TIMM44: variants seen among roughly 807,000 people sequenced by gnomAD.
TIMM44 encodes translocase of inner mitochondrial membrane 44.
TIMM44 carries 37 observed loss-of-function variants against 63.8 expected under a neutral mutation model. That is an observed-to-expected ratio of 0.58 (90% CI 0.45 to 0.76). The LOEUF (loss-of-function observed/expected upper bound fraction) is 0.76. TIMM44 is among the 30% of genes least tolerant of loss of function. The pLI, the probability that TIMM44 is intolerant of heterozygous loss-of-function variation, is 0.00. For synonymous variants in TIMM44, 239 were observed against 245.1 expected, an observed-to-expected ratio of 0.98 and a Z score of 0.23; for missense variants, 573 against 603.8, an observed-to-expected ratio of 0.95 and a Z score of 0.54.
chr19:7,941,152 G>A lies in TIMM44; in HGVS notation c.91C>T (p.Pro31Ser). 1.2e-6 allele frequency: 2 copies of A among 1,614,186 alleles called. No individual in the cohort carries two copies. Among genetic ancestry groups the A allele is most frequent in the Non-Finnish European group, 1.7e-6 (2 of 1,180,020 alleles). Residue 31 changes from proline (P) to serine (S), a missense_variant, in exon 2 of 13, where the codon CCC (proline) becomes TCC (serine). Pro to Ser is a moderately conservative substitution (Grantham distance 74). Coordinates refer to ENST00000270538, the MANE Select transcript of TIMM44 (RefSeq NM_006351.4). ...GIQFLSSHNL[P>S]HGSTYQMRRP... ...CGCATCTGATAGGTCGACCCATGGGGTAGGTTGTGGCTGGAAAGAAATTGG... is the reference window on the plus strand; with the variant it reads ...CGCATCTGATAGGTCGACCCATGGGATAGGTTGTGGCTGGAAAGAAATTGG...
Position 7,938,201 on chromosome 19 carries a change from G to C in TIMM44, c.142-4C>G. The C allele has an allele frequency of 1.2e-6, 2 of 1,611,250 alleles. No homozygotes were observed. The highest frequency in any genetic ancestry group is 1.3e-5 in the African/African-American group (1 of 74,748). On this transcript the variant is annotated splice_polypyrimidine_tract_variant and splice_region_variant and intron_variant, in intron 2 of 12. Transcript: ENST00000270538. ...TTCCAGAAGAATATGATTTGGACTAGAAAGAATGTACAAGAAAAAAAATTT... is the reference window on the plus strand; with the variant it reads ...TTCCAGAAGAATATGATTTGGACTACAAAGAATGTACAAGAAAAAAAATTT...
chr19:7,928,923 C>CAAAAAAAAAAAAAAAAAAAAAAAA lies in TIMM44; in HGVS notation c.1039-781_1039-758dup, dbSNP rs758167153. 5.7e-5 allele frequency: 4 copies of CAAAAAAAAAAAAAAAAAAAAAAAA among 70,090 alleles called. 1 individual carries two copies. Among genetic ancestry groups the CAAAAAAAAAAAAAAAAAAAAAAAA allele is most frequent in the Non-Finnish European group, 1.0e-4 (4 of 38,714 alleles). 4.3% of individuals were successfully genotyped at this position (70,090 alleles called of 1,614,324 possible). On this transcript the variant is annotated intron_variant, in intron 10 of 12. Transcript: ENST00000270538. ...CCAAGGTAAAAACAAAACAAAAAAC[C>CAAAAAAAAAAAAAAAAAAAAAAAA]AAAAAAAAAAAAAAAAAAAAAAAAA...
rs1187740259 is a variant in TIMM44, at chr19:7,935,131, T to G, written c.327A>C (p.Ser109=). The G allele has an allele frequency of 6.2e-7, 1 of 1,612,702 alleles. No homozygotes were observed. Among genetic ancestry groups the G allele is most frequent in the Admixed American group, 1.7e-5 (1 of 59,930 alleles). The change falls in exon 4 of 13, where the codon TCA becomes TCC. Residue 109 remains serine (S), a synonymous_variant. Transcript: ENST00000270538. ...GCACCTCGCTCGTCCGCACGGTTTC[T>G]GACTCGATGGTTTTCTAGGTAAAGA... ...EARRKYKTIE[S]ETVRTSEVLR... is the part of the protein sequence containing the mutation.
rs1272628394 is a variant in TIMM44 at position 7,926,747 on chromosome 19, T to TAA, written c.*439_*440insTT. 6.4e-5 allele frequency: 15 copies of TAA among 234,894 alleles called. No homozygotes were observed. Among genetic ancestry groups the TAA allele is most frequent in the Non-Finnish European group, 9.5e-5 (11 of 115,614 alleles). The allele number at this position is 234,894 out of a possible 1,614,324, so 14.6% of individuals were successfully genotyped here. Reference sequence around the variant, plus strand: ...CTTCTGCAATTCGGTGTTTTATTCTTTCCAAATCTCAGGCTTATGCACAAG... The same window carrying TAA: ...CTTCTGCAATTCGGTGTTTTATTCTTAATCCAAATCTCAGGCTTATGCACAAG... On this transcript the variant is annotated 3_prime_UTR_variant, in exon 13 of 13. Coordinates refer to ENST00000270538, the MANE Select transcript of TIMM44 (RefSeq NM_006351.4).
chr19:7,933,792 T>C lies in TIMM44; in HGVS notation c.683+72A>G. 1.9e-6 allele frequency: 3 copies of C among 1,597,462 alleles called. No individual in the cohort carries two copies. The highest frequency in any genetic ancestry group is 2.6e-6 in the Non-Finnish European group (3 of 1,168,602). ...AACGGACTCAGGAGGGAACCATTGG[T>C]GGGCTCCCGAAATGGACAGCAGTGA... On this transcript the variant is annotated intron_variant, in intron 6 of 12. Coordinates refer to ENST00000270538, the MANE Select transcript of TIMM44 (RefSeq NM_006351.4). This position sits in a 1 kb window ranked among gnomAD's most constrained non-coding sequence, Gnocchi z 4.3.
In TIMM44 at chr19:7,927,129, T is replaced by C. The variant is rs955541627; in HGVS notation, c.*58A>G. On this transcript the variant is annotated 3_prime_UTR_variant, in exon 13 of 13. Transcript: ENST00000270538. Reference sequence around the variant, plus strand: ...AGGTCTGGAGTTGCCGCAGGTGGTGTTGCGGTGCCTCTGTGCCTGATGACC... The same window carrying C: ...AGGTCTGGAGTTGCCGCAGGTGGTGCTGCGGTGCCTCTGTGCCTGATGACC... The C allele has an allele frequency of 4.2e-5, 65 of 1,559,172 alleles. No homozygotes were observed. In the African/African-American group the frequency reaches 6.1e-4, roughly 15 times the overall value.
At chr19:7,942,657 G>A (rs996127613) in intron 1 of TIMM44, among the ~76,000 whole-genome samples, 2 of 147,454 alleles carry the variant, frequency 1.4e-5, no homozygotes, top group African/African-American at 2.5e-5. Flanking sequence ...TTTACTTGAG[G>A]ATAACTTTTT....
At chr19:7,932,211 C>CACCGTG in intron 9 of TIMM44, 1 of 242,050 alleles carries the variant, frequency 4.1e-6, no homozygotes, top group Non-Finnish European at 8.2e-6. Context: ...CCAGGGACAG[C>CACCGTG]ACCGTGAGGG....
chr19:7,937,972 C>T (rs1239868771), intron 3 of TIMM44, 55 bp downstream of exon 3: 9 of 1,605,226 alleles, frequency 5.6e-6, no homozygotes, highest in East Asian at 2.2e-5. Flanking sequence ...GAGCCGAGAT[C>T]GCACCACTAC....
intron 10 of TIMM44, 86 bp downstream of exon 10, chr19:7,931,052 C>T (rs1599647006): frequency 7.5e-7 from 1 of 1,333,530 alleles, no homozygotes; most frequent in East Asian, 2.4e-5. Flanking sequence ...TGGGAGCTAC[C>T]CCAACGGAGC....
rs564618356 is a variant in TIMM44 at position 7,935,207 on chromosome 19, C to T, written c.313-62G>A. 97 of 1,436,602 alleles carry T rather than the reference C, an allele frequency of 6.8e-5. No individual in the cohort carries two copies. The South Asian group carries it at 8.1e-4, about 12-fold the overall frequency. 89.0% of individuals were successfully genotyped at this position (1,436,602 alleles called of 1,614,324 possible). A position where few individuals can be genotyped will look rare whatever the true frequency, so the allele number is the denominator to read the frequency against. On this transcript the variant is annotated intron_variant, in intron 3 of 12. Coordinates refer to ENST00000270538, the MANE Select transcript of TIMM44 (RefSeq NM_006351.4). ...TTTTTTGAGACAATGTCTCCGTTGCCGAGGCTGGAGTACAGTGGCACGCTC... is the reference window on the plus strand; with the variant it reads ...TTTTTTGAGACAATGTCTCCGTTGCTGAGGCTGGAGTACAGTGGCACGCTC...
In TIMM44 at chr19:7,934,868, G is replaced by A. The variant is rs1984099233; in HGVS notation, c.393+197C>T. 6.6e-6 allele frequency among the ~76,000 whole-genome samples: 1 copy of A among 152,134 alleles called. No individual in the cohort carries two copies. Among genetic ancestry groups the A allele is most frequent in the Non-Finnish European group, 1.5e-5 (1 of 68,004 alleles). On this transcript the variant is annotated intron_variant, in intron 4 of 12. Coordinates refer to ENST00000270538, the MANE Select transcript of TIMM44 (RefSeq NM_006351.4). The surrounding 1 kb of genome is among the most constrained non-coding windows in gnomAD (Gnocchi z 5.3). The stretch of plus-strand genomic sequence containing the variant: ...ACTGCTGCCGACTCCCTGGGTCAAC[G>A]GTCATGCAAGGTTGCCAGTCTGACC...
rs758350311 is a variant in TIMM44 at position 7,927,192 on chromosome 19, G to C, written c.1354C>G (p.Leu452Val). 6.2e-6 allele frequency: 10 copies of C among 1,608,572 alleles called. No homozygotes were observed. The highest frequency in any genetic ancestry group is 1.7e-6 in the Non-Finnish European group (2 of 1,179,626). The change falls in exon 13 of 13, where the codon CTC becomes GTC. Residue 452 changes from leucine to valine, a missense_variant. Coordinates refer to ENST00000270538, the MANE Select transcript of TIMM44 (RefSeq NM_006351.4). ...DISASSTEQI[L>V] ...ACCTGGCTCCGGCACCACACTCAGA[G>C]AATCTGCTCGGTGCTGGAGGCCGAG...
chr19:7,940,438 C>T (rs1599652221), intron 2 of TIMM44, among the ~76,000 whole-genome samples: 1 of 151,962 alleles, frequency 6.6e-6, no homozygotes, highest in South Asian at 2.1e-4. Context: ...GAGTGTGTGG[C>T]GGGGGACTAG....
rs1984365796 is a variant in TIMM44, at chr19:7,943,486, C to G, written c.45+121G>C. The stretch of plus-strand genomic sequence containing the variant: ...CCTCTGCTACCCAAAGATCTAACCC[C>G]AAGCTTTCTAAGGAGCCCAAGCAAG... On this transcript the variant is annotated intron_variant, in intron 1 of 12. Transcript: ENST00000270538. The surrounding 1 kb of genome is among the most constrained non-coding windows in gnomAD (Gnocchi z 4.3). 9.8e-6 allele frequency: 12 copies of G among 1,221,682 alleles called. No individual in the cohort carries two copies. The highest frequency in any genetic ancestry group is 1.4e-5 in the Non-Finnish European group (12 of 862,112). 75.7% of individuals were successfully genotyped at this position (1,221,682 alleles called of 1,614,324 possible).
intron 10 of TIMM44, 53 bp from the exon 11 acceptor site, chr19:7,928,219 G>A (rs1057210158): frequency 1.0e-5 from 15 of 1,459,226 alleles, no homozygotes; most frequent in East Asian, 7.1e-5. Context: ...TGGGCACCAC[G>A]CCACACAGAG....
chr19:7,931,802 C>G, intron 9 of TIMM44: 1 of 156,860 alleles, frequency 6.4e-6, no homozygotes, highest in Non-Finnish European at 1.4e-5. Context: ...AAGCTGTGAG[C>G]GGCAGGGGGC....
chr19:7,934,346 G>A lies in TIMM44; in HGVS notation c.394-108C>T, dbSNP rs1484688669. ...GAGAGAAGGGCGGATCTGGTTCCCCGAGGCCGGCAGAGGCCTTCTGTGCTC... is the reference window on the plus strand; with the variant it reads ...GAGAGAAGGGCGGATCTGGTTCCCCAAGGCCGGCAGAGGCCTTCTGTGCTC... On this transcript the variant is annotated intron_variant, in intron 4 of 12. Transcript: ENST00000270538. This position sits in a 1 kb window ranked among gnomAD's most constrained non-coding sequence, Gnocchi z 5.3. The A allele has an allele frequency of 9.4e-6, 13 of 1,388,702 alleles. No homozygotes were observed. Among genetic ancestry groups the A allele is most frequent in the Middle Eastern group, 2.1e-4 (1 of 4,682 alleles). 86.0% of individuals were successfully genotyped at this position (1,388,702 alleles called of 1,614,324 possible). A position where few individuals can be genotyped will look rare whatever the true frequency, so the allele number is the denominator to read the frequency against.
At chr19:7,927,342 G>A (rs1198147060) in intron 12 of TIMM44, 36 bp from the exon 13 acceptor site, 4 of 1,604,188 alleles carry the variant, frequency 2.5e-6, no homozygotes, top group East Asian at 2.2e-5. Flanking sequence ...TGTTGAGAGG[G>A]TTGAGGTGAC....
Sources: gnomAD v4.1 joint callset for allele counts (sites outside exome capture counted in the v4.1 genomes callset) on GRCh38, gnomAD v4.1.1 for gene constraint, Gnocchi (gnomAD v3.1) non-coding constraint, MANE v1.5 for transcripts, NCBI Gene and HGNC (gene_info 2026-07-23, HGNC 2026-07-21) for gene names.